The following NUBPL variants were observed in gnomAD, a reference collection of about 807,000 sequenced individuals.
NUBPL encodes the protein iron-sulfur cluster transfer protein NUBPL.
Under a neutral mutation model 45.7 loss-of-function variants are expected in NUBPL, and 31 were observed. The observed-to-expected ratio is 0.68, with a 90% CI of 0.51 to 0.92. The LOEUF (loss-of-function observed/expected upper bound fraction) is 0.92, where lower values mean the gene tolerates loss of function less well. Among genes scored for constraint, NUBPL ranks in the 40% least tolerant of loss-of-function variants. The pLI, the probability that NUBPL is intolerant of heterozygous loss-of-function variation, is 0.00. For missense variants in NUBPL, 401 were observed against 398.7 expected, an observed-to-expected ratio of 1.01 and a Z score of -0.05; for synonymous variants, 144 against 140.9, an observed-to-expected ratio of 1.02 and a Z score of -0.15.
intron 6 of NUBPL, among the ~76,000 whole-genome samples, chr14:31,782,600 G>A (rs944236567): frequency 6.6e-6 from 1 of 152,062 alleles, no homozygotes; most frequent in Non-Finnish European, 1.5e-5. Flanking sequence ...AGACCAGCCC[G>A]GCCAACATGG....
At chr14:31,600,356 G>T (rs2034397929) in intron 4 of NUBPL, among the ~76,000 whole-genome samples, 1 of 152,076 alleles carries the variant, frequency 6.6e-6, no homozygotes, top group East Asian at 1.9e-4. Flanking sequence ...CTGGAAAGGA[G>T]GCCATTCCAT....
At chr14:31,856,617 G>T (rs566999101) in intron 10 of NUBPL, among the ~76,000 whole-genome samples, 1 of 152,316 alleles carries the variant, frequency 6.6e-6, no homozygotes, top group African/African-American at 2.4e-5. Context: ...ATACAGTGGG[G>T]GTACAGGCAT....
chr14:31,692,506 G>A (rs1020085948), intron 6 of NUBPL, among the ~76,000 whole-genome samples: 12 of 152,184 alleles, frequency 7.9e-5, no homozygotes, highest in African/African-American at 2.9e-4. Flanking sequence ...AGCAGTTTTA[G>A]TGCTTTTAGT....
chr14:31,802,288 T>C (rs972658146), intron 7 of NUBPL, among the ~76,000 whole-genome samples: 1 of 148,390 alleles, frequency 6.7e-6, no homozygotes, highest in African/African-American at 2.5e-5. Flanking sequence ...TCTTCTTCTT[T>C]TTTTTTTTGA....
chr14:31,818,514 T>A (rs953449998), intron 7 of NUBPL, among the ~76,000 whole-genome samples: 1 of 152,174 alleles, frequency 6.6e-6, no homozygotes, highest in African/African-American at 2.4e-5. Flanking sequence ...CACTTATTAT[T>A]GTGTTTAATT....
intron 7 of NUBPL, among the ~76,000 whole-genome samples, chr14:31,819,458 A>C (rs12431452): frequency 0.35 from 53,586 of 151,996 alleles, 10,159 homozygotes; most frequent in South Asian, 0.44. Context: ...AGGCTCCAGC[A>C]CTGAAGTTCT....
At chr14:31,566,996 A>G (rs1376756452) in intron 3 of NUBPL, among the ~76,000 whole-genome samples, 1 of 152,186 alleles carries the variant, frequency 6.6e-6, no homozygotes, top group African/African-American at 2.4e-5. Flanking sequence ...ATAATATTTT[A>G]TAGAAGTAGG....
intron 4 of NUBPL, among the ~76,000 whole-genome samples, chr14:31,624,473 A>C (rs1439522204): frequency 6.6e-6 from 1 of 152,180 alleles, no homozygotes; most frequent in African/African-American, 2.4e-5. Context: ...AGGTAATATT[A>C]AATAGTTGGA....
At chr14:31,815,651 A>G (rs1434701146) in intron 7 of NUBPL, among the ~76,000 whole-genome samples, 2 of 152,214 alleles carry the variant, frequency 1.3e-5, no homozygotes, top group East Asian at 3.8e-4. Flanking sequence ...TTGCCCATTC[A>G]GTATGATACT....
intron 7 of NUBPL, among the ~76,000 whole-genome samples, chr14:31,790,256 A>T (rs1173716762): frequency 6.6e-6 from 1 of 152,178 alleles, no homozygotes; most frequent in Non-Finnish European, 1.5e-5. Flanking sequence ...TTTAGTTTGT[A>T]TTTATACTCT....
chr14:31,841,338 A>G (rs1401952184), intron 8 of NUBPL, among the ~76,000 whole-genome samples: 1 of 152,242 alleles, frequency 6.6e-6, no homozygotes, highest in East Asian at 1.9e-4. Flanking sequence ...ACATTCTCAC[A>G]AACATTTGAT....
chr14:31,655,643 G>A (rs1270483488), intron 4 of NUBPL, among the ~76,000 whole-genome samples: 1 of 152,158 alleles, frequency 6.6e-6, no homozygotes. Context: ...AACCCAGGAG[G>A]TTGAGGCTGC....
At chr14:31,676,223 A>G (rs1017516532) in intron 6 of NUBPL, among the ~76,000 whole-genome samples, 4 of 151,864 alleles carry the variant, frequency 2.6e-5, no homozygotes, top group African/African-American at 9.7e-5. Flanking sequence ...GGGTTTCTCC[A>G]TGTTGGTTAG....
chr14:31,620,240 C>T (rs1413744597), intron 4 of NUBPL, among the ~76,000 whole-genome samples: 1 of 152,054 alleles, frequency 6.6e-6, no homozygotes, highest in Admixed American at 6.6e-5. Context: ...TCCTGTAGCT[C>T]AGAGGAGTTT....
At chr14:31,642,973 A>G (rs2035746940) in intron 4 of NUBPL, among the ~76,000 whole-genome samples, 2 of 152,260 alleles carry the variant, frequency 1.3e-5, no homozygotes, top group East Asian at 1.9e-4. Context: ...GTTGGTGTAT[A>G]TAAGTGCTAC....
chr14:31,855,623 GT>G (rs34242973), intron 10 of NUBPL, among the ~76,000 whole-genome samples: 41,233 of 146,236 alleles, frequency 0.28, 5,599 homozygotes, highest in East Asian at 0.48. Context: ...TGTTTTTAGA[GT>G]TTTTTTTTTT....
chr14:31,657,095 G>T (rs1327395580), intron 4 of NUBPL, among the ~76,000 whole-genome samples: 2 of 152,066 alleles, frequency 1.3e-5, no homozygotes, highest in African/African-American at 4.8e-5. Context: ...ATATTAAATG[G>T]CACAGAATGA....
chr14:31,567,265 T>C (rs2033460407), intron 3 of NUBPL, among the ~76,000 whole-genome samples: 1 of 152,238 alleles, frequency 6.6e-6, no homozygotes, highest in Non-Finnish European at 1.5e-5. Context: ...GTTTTCTTTA[T>C]GTCTTTTACA....
At chr14:31,641,632 T>C (rs1248884052) in intron 4 of NUBPL, among the ~76,000 whole-genome samples, 1 of 152,246 alleles carries the variant, frequency 6.6e-6, no homozygotes, top group Non-Finnish European at 1.5e-5. Context: ...AATGATGCCC[T>C]GATAAACGTG....
Sources: gnomAD v4.1 joint callset for allele counts (sites outside exome capture counted in the v4.1 genomes callset) on GRCh38, gnomAD v4.1.1 for gene constraint, MANE v1.5 for transcripts, NCBI Gene and HGNC (gene_info 2026-07-23, HGNC 2026-07-21) for gene names.